GPR39: variants seen among roughly 807,000 people sequenced by gnomAD.
The protein encoded by GPR39 is G protein-coupled receptor 39, also known as zinc sensing receptor.
In GPR39, 23 loss-of-function variants were observed where a neutral mutation model predicts 18.4. That is an observed-to-expected ratio of 1.25 (90% CI 0.90 to 1.77). The LOEUF is 1.77. Ranked by LOEUF, GPR39 falls within the 40% of genes most tolerant of loss-of-function variation. The pLI, the probability that GPR39 is intolerant of heterozygous loss-of-function variation, is 0.00. For synonymous variants in GPR39, 280 were observed against 257.9 expected, an observed-to-expected ratio of 1.09 and a Z score of -0.82; for missense variants, 647 against 602.4, an observed-to-expected ratio of 1.07 and a Z score of -0.78.
chr2:132,445,384 T>G (rs1326112094), intron 1 of GPR39, among the ~76,000 whole-genome samples: 1 of 152,200 alleles, frequency 6.6e-6, no homozygotes, highest in Admixed American at 6.5e-5. Context: ...CTTTGAGTTT[T>G]TATTAGTCTT....
At chr2:132,510,489 C>G (rs955275045) in intron 1 of GPR39, among the ~76,000 whole-genome samples, 1 of 152,136 alleles carries the variant, frequency 6.6e-6, no homozygotes. Flanking sequence ...GAAGGACATA[C>G]TGTTTTTCAG....
At position 132,492,718 on chromosome 2, in the gene GPR39, A is replaced by G. The variant is rs918702150; in HGVS notation, c.856+74820A>G. 2.8e-5 allele frequency among the ~76,000 whole-genome samples: 4 copies of G among 141,816 alleles called. No individual in the cohort carries two copies. In the East Asian group the frequency reaches 6.3e-4, roughly 23 times the overall value. 93.0% of individuals were successfully genotyped at this position (141,816 alleles called of 152,430 possible). ...TATATATATAATATATATACACACC[A>G]TATATATACCATATATATATACACA... is the stretch of plus-strand genomic sequence containing the variant. On this transcript the variant is annotated intron_variant, in intron 1 of 1. Transcript: ENST00000329321.
At chr2:132,524,435 T>C (rs10178456) in intron 1 of GPR39, among the ~76,000 whole-genome samples, 107,733 of 152,096 alleles carry the variant, frequency 0.71, 38,418 homozygotes, top group East Asian at 0.8. Flanking sequence ...GAGGGCTCCC[T>C]TCCTCCCATC....
chr2:132,434,627 G>T (rs1186286317), intron 1 of GPR39, among the ~76,000 whole-genome samples: 1 of 152,164 alleles, frequency 6.6e-6, no homozygotes, highest in African/African-American at 2.4e-5. Flanking sequence ...CTATGGAAAG[G>T]ATTGTCAGCA....
At chr2:132,448,440 C>G (rs377186504) in intron 1 of GPR39, among the ~76,000 whole-genome samples, 1 of 152,166 alleles carries the variant, frequency 6.6e-6, no homozygotes, top group African/African-American at 2.4e-5. Flanking sequence ...AAAGAGGTCT[C>G]CTGTCCATGG....
chr2:132,492,366 C>A (rs1681489484), intron 1 of GPR39, among the ~76,000 whole-genome samples: 2 of 135,282 alleles, frequency 1.5e-5, no homozygotes, highest in African/African-American at 2.8e-5. Flanking sequence ...TATATATACA[C>A]CATATATATA....
intron 1 of GPR39, chr2:132,644,719 T>A (rs1681959323): frequency 4.8e-6 from 1 of 207,310 alleles, no homozygotes; most frequent in Non-Finnish European, 9.7e-6. Context: ...CTATACTGTA[T>A]GTATACATCT....
At chr2:132,443,169 ATT>A (rs1333879497) in intron 1 of GPR39, among the ~76,000 whole-genome samples, 2 of 152,166 alleles carry the variant, frequency 1.3e-5, no homozygotes, top group East Asian at 3.8e-4. Context: ...TAGAATAAAC[ATT>A]ATATTAAAAC....
intron 1 of GPR39, among the ~76,000 whole-genome samples, chr2:132,589,253 G>A (rs773835450): frequency 2.6e-5 from 4 of 152,198 alleles, no homozygotes; most frequent in South Asian, 4.2e-4. Flanking sequence ...TGGTTACTAA[G>A]CAGTTACCTG....
chr2:132,519,820 G>A (rs533923220), intron 1 of GPR39, among the ~76,000 whole-genome samples: 22 of 152,298 alleles, frequency 1.4e-4, no homozygotes, highest in Admixed American at 5.2e-4. Context: ...TCCTCTCAAA[G>A]TAAATAGGTA....
chr2:132,614,847 C>CT (rs1332787252), intron 1 of GPR39, among the ~76,000 whole-genome samples: 1 of 152,198 alleles, frequency 6.6e-6, no homozygotes, highest in Non-Finnish European at 1.5e-5. Context: ...GGCCAAGGAG[C>CT]TTTCTTAAAT....
At chr2:132,477,653 C>T (rs1219432562) in intron 1 of GPR39, among the ~76,000 whole-genome samples, 1 of 152,186 alleles carries the variant, frequency 6.6e-6, no homozygotes, top group Non-Finnish European at 1.5e-5. Context: ...AACATGGCCA[C>T]ATCCATTCAC....
chr2:132,460,907 G>A (rs990180895), intron 1 of GPR39, among the ~76,000 whole-genome samples: 29 of 152,300 alleles, frequency 1.9e-4, no homozygotes, highest in African/African-American at 5.8e-4. Flanking sequence ...CAGCAAAGCC[G>A]AGAGCAGGCT....
At chr2:132,463,874 CT>C (rs1234697575) in intron 1 of GPR39, among the ~76,000 whole-genome samples, 1 of 152,234 alleles carries the variant, frequency 6.6e-6, no homozygotes, top group Non-Finnish European at 1.5e-5. Context: ...GGCTCATTCA[CT>C]TGTTTGCAAG....
chr2:132,595,651 G>A (rs72841234), intron 1 of GPR39, among the ~76,000 whole-genome samples: 23,284 of 152,030 alleles, frequency 0.15, 1,987 homozygotes, highest in South Asian at 0.19. Context: ...CTGTGTTGGG[G>A]GAGAGTGGGG....
intron 1 of GPR39, among the ~76,000 whole-genome samples, chr2:132,485,152 C>A (rs185236966): frequency 1.3e-5 from 2 of 152,318 alleles, no homozygotes; most frequent in South Asian, 4.1e-4. Context: ...TTTTTGGTTT[C>A]CCAGTGCATA....
At chr2:132,505,638 T>A (rs1218056289) in intron 1 of GPR39, among the ~76,000 whole-genome samples, 2 of 152,174 alleles carry the variant, frequency 1.3e-5, no homozygotes, top group Non-Finnish European at 2.9e-5. Context: ...TGCAAATGAG[T>A]GGGATTATGT....
chr2:132,417,860 A>C lies in GPR39; in HGVS notation c.818A>C (p.Glu273Ala). 6.2e-7 allele frequency: 1 copy of C among 1,606,240 alleles called. No individual in the cohort carries two copies. The stretch of plus-strand genomic sequence containing the variant: ...CAGCTGAGGAAGTCCGAGAGCGAAG[A>C]GAGCAGGACCGCCAGGAGGCAGACC... ...PPQLRKSESE[E>A]SRTARRQTII... Residue 273 changes from glutamate (E) to alanine (A), a missense_variant, in exon 1 of 2, where the codon GAG becomes GCG. By Grantham distance (107) the Glu-to-Ala change is moderately radical. This residue lies in a region of GPR39 where 581 missense variants were observed against 506.8 expected (regional missense o/e 1.15). Coordinates refer to ENST00000329321, the MANE Select transcript of GPR39 (RefSeq NM_001508.3).
intron 1 of GPR39, among the ~76,000 whole-genome samples, chr2:132,539,493 A>G (rs1176121443): frequency 1.3e-5 from 2 of 152,114 alleles, no homozygotes; most frequent in Non-Finnish European, 2.9e-5. Context: ...AGCTGTTTCT[A>G]TTTGGTCATT....
Sources: allele counts gnomAD v4.1 joint callset (sites outside exome capture counted in the v4.1 genomes callset), GRCh38; gene constraint gnomAD v4.1.1; regional missense constraint gnomAD v4.1.1; transcripts MANE v1.5; gene names NCBI Gene and HGNC (gene_info 2026-07-23, HGNC 2026-07-21).